The following ABCA12 variants were observed in gnomAD, a reference collection of about 807,000 sequenced individuals.
The protein encoded by ABCA12 is ATP binding cassette subfamily A member 12, also known as glucosylceramide transporter ABCA12.
In ABCA12, 156 loss-of-function variants were observed where a neutral mutation model predicts 293.5. The ratio of observed to expected loss-of-function variants is 0.53; its 90% CI spans 0.47 to 0.61. The LOEUF (loss-of-function observed/expected upper bound fraction) is 0.61, where lower values mean the gene tolerates loss of function less well. Among genes scored for constraint, ABCA12 ranks in the 20% least tolerant of loss-of-function variants. The probability of loss-of-function intolerance (pLI) is 0.00; values close to 1 mark genes in which losing one functional copy is unlikely to be tolerated. For synonymous variants in ABCA12, 1,063 were observed against 1,108.0 expected (o/e 0.96, Z 0.81); for missense variants, 2,797 against 3,090.2 (o/e 0.91, Z 2.25).
At chr2:215,133,001 A>G (rs897021851) in intron 1 of ABCA12, among the ~76,000 whole-genome samples, 8 of 151,900 alleles carry the variant, frequency 5.3e-5, no homozygotes, top group African/African-American at 1.9e-4. Flanking sequence ...GGCAGGATAT[A>G]AAATTCCAGC....
In ABCA12 at chr2:215,064,193, T is replaced by C; in HGVS notation, c.190A>G (p.Ser64Gly). 1 of 1,612,662 alleles carries C rather than the reference T, an allele frequency of 6.2e-7. No individual in the cohort carries two copies. The highest frequency in any genetic ancestry group is 8.5e-7 in the Non-Finnish European group (1 of 1,179,120). Residue 64 changes from serine to glycine, a missense_variant, in exon 3 of 53, where the codon AGT becomes GGT. Ser to Gly is a moderately conservative substitution (Grantham distance 56). Coordinates refer to ENST00000272895, the MANE Select transcript of ABCA12 (RefSeq NM_173076.3). The stretch of plus-strand genomic sequence containing the variant: ...TGCAGGAATGGAAAGAATCCAGTAC[T>C]AGGAAGGTTTCGAGGTGCGAGGTAA... Reference protein sequence around the residue: ...TCYLAPRNLPSTGFFPFLQTL... With the variant: ...TCYLAPRNLPGTGFFPFLQTL...
At chr2:215,021,274 G>A (rs1700625778) in intron 11 of ABCA12, among the ~76,000 whole-genome samples, 1 of 152,188 alleles carries the variant, frequency 6.6e-6, no homozygotes, top group Admixed American at 6.5e-5. Flanking sequence ...TTTTGGAAGT[G>A]TCTGCACCGT....
At chr2:214,992,815 C>G (rs1699948289) in intron 23 of ABCA12, among the ~76,000 whole-genome samples, 1 of 152,010 alleles carries the variant, frequency 6.6e-6, no homozygotes, top group Non-Finnish European at 1.5e-5. Context: ...GAGCCGAGAT[C>G]ATGCCACTGC....
At chr2:215,012,786 T>C (rs528047987) in intron 15 of ABCA12, among the ~76,000 whole-genome samples, 3 of 152,310 alleles carry the variant, frequency 2.0e-5, no homozygotes, top group Admixed American at 2.0e-4. Flanking sequence ...ATTTTTATGG[T>C]ATATAAATAA....
Position 215,064,213 on chromosome 2 carries a change from AGG to A in ABCA12, c.168_169del (p.Leu57ArgfsTer7). 1.2e-6 allele frequency: 2 copies of A among 1,612,344 alleles called. No individual in the cohort carries two copies. The highest frequency in any genetic ancestry group is 1.7e-6 in the Non-Finnish European group (2 of 1,178,904). The stretch of plus-strand genomic sequence containing the variant: ...AGTACTAGGAAGGTTTCGAGGTGCG[AGG>A]TAACCTAAAATTAAAAAAACAGTCA... On this transcript the variant is annotated frameshift_variant, in exon 3 of 53. Coordinates refer to ENST00000272895, the MANE Select transcript of ABCA12 (RefSeq NM_173076.3). LOFTEE classifies it high-confidence loss of function.
chr2:215,018,518 T>C (rs1460824542), intron 13 of ABCA12, among the ~76,000 whole-genome samples: 1 of 152,220 alleles, frequency 6.6e-6, no homozygotes, highest in African/African-American at 2.4e-5. Context: ...TCATGTAATA[T>C]TGTCAATTTA....
At chr2:214,949,503 T>C (rs1466224485) in intron 45 of ABCA12, among the ~76,000 whole-genome samples, 3 of 152,116 alleles carry the variant, frequency 2.0e-5, no homozygotes, top group Non-Finnish European at 4.4e-5. Flanking sequence ...ATTATATTTA[T>C]ACATTTCACA....
In ABCA12 at chr2:215,116,864, G is replaced by A. The variant is rs139023304; in HGVS notation, c.70-5174C>T. On this transcript the variant is annotated intron_variant, in intron 1 of 52. Transcript: ENST00000272895. ...CAATTGGTCATGAAGGTTCAAAAGC[G>A]TCAGGGTCATGAAAGTCAAGGAAAA... 2.5e-3 allele frequency among the ~76,000 whole-genome samples: 385 copies of A among 152,240 alleles called. 1 individual carries two copies. The highest frequency in any genetic ancestry group is 8.5e-3 in the African/African-American group (351 of 41,536).
chr2:215,016,508 G>A (rs1700504095), intron 14 of ABCA12, among the ~76,000 whole-genome samples: 1 of 142,494 alleles, frequency 7.0e-6, no homozygotes, highest in Non-Finnish European at 1.5e-5. Flanking sequence ...GTGAGAACCC[G>A]GGAGGCGGAG....
chr2:215,133,082 A>G (rs761940540), intron 1 of ABCA12, among the ~76,000 whole-genome samples: 2 of 149,420 alleles, frequency 1.3e-5, no homozygotes, highest in Non-Finnish European at 3.0e-5. Context: ...TTCTGCCAAG[A>G]AGTCCACTGT....
At position 214,990,636 on chromosome 2, in the gene ABCA12, A is replaced by AAAAC. The variant is rs757283402; in HGVS notation, c.3624+62_3624+65dup. 377 of 1,541,238 alleles carry AAAAC rather than the reference A, an allele frequency of 2.4e-4. 3 individuals are homozygous for AAAAC. The South Asian group carries it at 2.6e-3, about 11-fold the overall frequency. On this transcript the variant is annotated intron_variant, in intron 24 of 52. Coordinates refer to ENST00000272895, the MANE Select transcript of ABCA12 (RefSeq NM_173076.3). ...AGTGAACTTTCAGTCTGAGAATCCA[A>AAAAC]AAACAAACAAACAAACAAACAAAAA...
chr2:215,121,403 A>T (rs1702802708), intron 1 of ABCA12, among the ~76,000 whole-genome samples: 1 of 152,214 alleles, frequency 6.6e-6, no homozygotes, highest in Non-Finnish European at 1.5e-5. Flanking sequence ...TTCCATATAT[A>T]AAGTACACTC....
intron 1 of ABCA12, among the ~76,000 whole-genome samples, chr2:215,120,221 T>C (rs1046445180): frequency 3.3e-5 from 5 of 152,002 alleles, no homozygotes; most frequent in African/African-American, 1.2e-4. Flanking sequence ...AGTTAAACAT[T>C]GAGCGCTTAT....
intron 7 of ABCA12, among the ~76,000 whole-genome samples, chr2:215,043,080 T>C (rs1403312185): frequency 2.0e-5 from 3 of 152,148 alleles, no homozygotes; most frequent in Admixed American, 6.6e-5. Flanking sequence ...GCATCTGTTA[T>C]TGTTTTTGTC....
At chr2:215,086,735 A>T (rs924353088) in intron 2 of ABCA12, among the ~76,000 whole-genome samples, 3 of 152,070 alleles carry the variant, frequency 2.0e-5, no homozygotes, top group Non-Finnish European at 2.9e-5. Flanking sequence ...GCCTACAGGG[A>T]CAAACAGCTG....
At chr2:215,071,297 T>A (rs1380458314) in intron 2 of ABCA12, among the ~76,000 whole-genome samples, 1 of 151,504 alleles carries the variant, frequency 6.6e-6, no homozygotes, top group African/African-American at 2.4e-5. Flanking sequence ...TTAACATACA[T>A]CATTTCATAC....
intron 23 of ABCA12, 138 bp downstream of exon 23, chr2:214,997,557 T>C (rs1239345396): frequency 6.3e-6 from 4 of 639,048 alleles, no homozygotes; most frequent in Non-Finnish European, 1.1e-5. Flanking sequence ...GCTTTTGTGA[T>C]TTGTAAAAGG....
chr2:214,976,061 T>C (rs1699510008), intron 33 of ABCA12, 24 bp from the exon 34 acceptor site: 1 of 1,613,574 alleles, frequency 6.2e-7, no homozygotes, highest in African/African-American at 1.3e-5. Context: ...AGAGATTGGA[T>C]ATGGTTCTGG....
intron 23 of ABCA12, among the ~76,000 whole-genome samples, chr2:214,991,750 C>T (rs1165511761): frequency 1.3e-5 from 2 of 152,290 alleles, no homozygotes; most frequent in Admixed American, 6.5e-5. Context: ...TTTGATACCT[C>T]AGTGATATCC....
Sources: gnomAD v4.1 joint callset for allele counts (sites outside exome capture counted in the v4.1 genomes callset) on GRCh38, gnomAD v4.1.1 for gene constraint, MANE v1.5 for transcripts, NCBI Gene and HGNC (gene_info 2026-07-23, HGNC 2026-07-21) for gene names.